Variants in NDUFS4 observed in about 807,000 individuals in gnomAD.
NDUFS4 encodes NADH dehydrogenase [ubiquinone] iron-sulfur protein 4, mitochondrial.
In NDUFS4, 28 loss-of-function variants were observed where a neutral mutation model predicts 24.3. The ratio of observed to expected loss-of-function variants is 1.15; its 90% CI spans 0.85 to 1.58. The LOEUF (loss-of-function observed/expected upper bound fraction) is 1.58. NDUFS4 is among the 40% of genes most tolerant of loss of function. The pLI is 0.00. For missense variants in NDUFS4, 223 were observed against 207.9 expected (o/e 1.07, Z -0.45); for synonymous variants, 93 against 69.7 (o/e 1.34, Z -1.67).
intron 4 of NDUFS4, among the ~76,000 whole-genome samples, chr5:53,666,410 G>A (rs919214286): frequency 3.3e-5 from 5 of 152,058 alleles, no homozygotes; most frequent in Non-Finnish European, 5.9e-5. Context: ...CTACCTCCCC[G>A]GGAAAGAAAA....
rs571932563 is a variant in NDUFS4 at position 53,565,435 on chromosome 5, G to A, written c.98+4675G>A. Among the ~76,000 whole-genome samples, 4 of 152,090 alleles carry A rather than the reference G, an allele frequency of 2.6e-5. 1 individual carries two copies. In the South Asian group the frequency reaches 8.3e-4, roughly 32 times the overall value. On this transcript the variant is annotated intron_variant, in intron 1 of 4. Transcript: ENST00000296684. ...TTTTTGAGGACACAACCACATTTTTGTTTATTTGTGTGTACTTCATGGCAT... is the reference window on the plus strand; with the variant it reads ...TTTTTGAGGACACAACCACATTTTTATTTATTTGTGTGTACTTCATGGCAT...
At chr5:53,618,119 A>G (rs1235809863) in intron 2 of NDUFS4, among the ~76,000 whole-genome samples, 1 of 152,022 alleles carries the variant, frequency 6.6e-6, no homozygotes, top group African/African-American at 2.4e-5. Context: ...CTTCCAAAAA[A>G]AAATTAGCCG....
At chr5:53,674,498 A>C (rs1045341900) in intron 4 of NDUFS4, among the ~76,000 whole-genome samples, 2 of 152,140 alleles carry the variant, frequency 1.3e-5, no homozygotes, top group Admixed American at 6.5e-5. Context: ...TTATCAATGG[A>C]TTAGTATTCT....
chr5:53,612,934 T>G (rs989053111), intron 2 of NDUFS4, among the ~76,000 whole-genome samples: 3 of 152,128 alleles, frequency 2.0e-5, no homozygotes, highest in African/African-American at 7.2e-5. Flanking sequence ...TACAAGTATT[T>G]GTTGGTTTTA....
At chr5:53,585,134 A>G (rs1033689647) in intron 1 of NDUFS4, among the ~76,000 whole-genome samples, 1 of 152,174 alleles carries the variant, frequency 6.6e-6, no homozygotes, top group African/African-American at 2.4e-5. Context: ...AAGTCAGTTG[A>G]AGAAGTACTG....
chr5:53,662,623 C>T (rs918286504), intron 4 of NDUFS4, among the ~76,000 whole-genome samples: 1 of 151,944 alleles, frequency 6.6e-6, no homozygotes, highest in African/African-American at 2.4e-5. Flanking sequence ...TCCATCTGGT[C>T]CTGGACTTTT....
intron 1 of NDUFS4, among the ~76,000 whole-genome samples, chr5:53,572,749 A>C (rs1459661078): frequency 6.7e-6 from 1 of 149,622 alleles, no homozygotes; most frequent in African/African-American, 2.5e-5. Context: ...GTTCAAGTGG[A>C]TTCTCCTGCC....
intron 3 of NDUFS4, among the ~76,000 whole-genome samples, chr5:53,658,133 CAGA>C (rs1447344338): frequency 6.6e-6 from 1 of 152,002 alleles, no homozygotes; most frequent in Non-Finnish European, 1.5e-5. Flanking sequence ...AAAGGAGACT[CAGA>C]AGAAGTTAAT....
rs545290426 is a variant in NDUFS4, at chr5:53,579,784, C to T, written c.98+19024C>T. Among the ~76,000 whole-genome samples the T allele has an allele frequency of 3.3e-5, 5 of 152,252 alleles. No individual in the cohort carries two copies. The East Asian group carries it at 9.7e-4, about 29-fold the overall frequency. On this transcript the variant is annotated intron_variant, in intron 1 of 4. Coordinates refer to ENST00000296684, the MANE Select transcript of NDUFS4 (RefSeq NM_002495.4). ...TGAGGATCTTGAGATGGGAAGATTA[C>T]CCTGGTGGGCCTGATGTAATCACAA...
chr5:53,592,322 T>C (rs1749996984), intron 1 of NDUFS4, among the ~76,000 whole-genome samples: 1 of 152,184 alleles, frequency 6.6e-6, no homozygotes. Context: ...TTTGCAGATA[T>C]TTTCTCCTAG....
chr5:53,598,777 A>G (rs534429620), intron 1 of NDUFS4, among the ~76,000 whole-genome samples: 33 of 152,304 alleles, frequency 2.2e-4, no homozygotes, highest in African/African-American at 7.0e-4. Flanking sequence ...AAGTTTATTG[A>G]TTTTCATTTT....
chr5:53,610,958 A>G (rs1312311629), intron 2 of NDUFS4, among the ~76,000 whole-genome samples: 2 of 152,150 alleles, frequency 1.3e-5, no homozygotes, highest in Non-Finnish European at 1.5e-5. Context: ...ATGGAGAGCT[A>G]AAACCTCAGA....
intron 3 of NDUFS4, among the ~76,000 whole-genome samples, chr5:53,651,926 C>A (rs1752029577): frequency 6.6e-6 from 1 of 152,018 alleles, no homozygotes; most frequent in Non-Finnish European, 1.5e-5. Context: ...GCACCTGCAC[C>A]ACGCCCGGCT....
intron 4 of NDUFS4, among the ~76,000 whole-genome samples, chr5:53,674,724 G>A (rs1367853471): frequency 6.6e-6 from 1 of 151,946 alleles, no homozygotes; most frequent in Non-Finnish European, 1.5e-5. Flanking sequence ...AATTATTGTT[G>A]AAATAAAATT....
At chr5:53,681,173 A>T (rs2111609204) in intron 4 of NDUFS4, among the ~76,000 whole-genome samples, 1 of 152,260 alleles carries the variant, frequency 6.6e-6, no homozygotes, top group South Asian at 2.1e-4. Context: ...ACCACAAGAG[A>T]CAATGTAGCA....
rs1042851986 is a variant in NDUFS4, at chr5:53,594,726, A to G, written c.99-8726A>G. ...ATTTGTTGTTCAGAAATTATTTTTC[A>G]TTCCTAGTTTGTGGATATTTTGCCT... is the stretch of plus-strand genomic sequence containing the variant. On this transcript the variant is annotated intron_variant, in intron 1 of 4. Coordinates refer to ENST00000296684, the MANE Select transcript of NDUFS4 (RefSeq NM_002495.4). Among the ~76,000 whole-genome samples the G allele has an allele frequency of 7.9e-5, 12 of 152,146 alleles. No individual in the cohort carries two copies. In the East Asian group the frequency reaches 1.7e-3, roughly 22 times the overall value.
chr5:53,646,303 C>T lies in NDUFS4; in HGVS notation c.248C>T (p.Ala83Val). ...KTRKVRIFVP[A>V]RNNMQSGVNN... ...AGAAAAGTCAGGATCTTTGTTCCTGCTCGCAATAACATGCAGTCTGGAGTA... is the reference window on the plus strand; with the variant it reads ...AGAAAAGTCAGGATCTTTGTTCCTGTTCGCAATAACATGCAGTCTGGAGTA... Residue 83 changes from alanine (A) to valine (V), a missense_variant, in exon 3 of 5, where the codon GCT becomes GTT. Transcript: ENST00000296684. 2 of 1,613,426 alleles carry T rather than the reference C, an allele frequency of 1.2e-6. No individual in the cohort carries two copies. Among genetic ancestry groups the T allele is most frequent in the Non-Finnish European group, 8.5e-7 (1 of 1,179,538 alleles).
intron 4 of NDUFS4, among the ~76,000 whole-genome samples, chr5:53,662,247 C>T (rs187125640): frequency 6.6e-6 from 1 of 152,034 alleles, no homozygotes; most frequent in African/African-American, 2.4e-5. Context: ...TGCATCTATT[C>T]AGATAATCAT....
chr5:53,566,659 G>A (rs1749036866), intron 1 of NDUFS4, among the ~76,000 whole-genome samples: 1 of 152,080 alleles, frequency 6.6e-6, no homozygotes, highest in South Asian at 2.1e-4. Context: ...TTAAGATGGT[G>A]TAGTATTTCC....
Sources: gnomAD v4.1 joint callset for allele counts (sites outside exome capture counted in the v4.1 genomes callset) on GRCh38, gnomAD v4.1.1 for gene constraint, MANE v1.5 for transcripts, NCBI Gene and HGNC (gene_info 2026-07-23, HGNC 2026-07-21) for gene names.